The following CENPS variants were observed in gnomAD, a reference collection of about 807,000 sequenced individuals.
CENPS encodes FANCM associated histone fold protein 1.
CENPS carries 16 observed loss-of-function variants against 17.9 expected under a neutral mutation model. The observed-to-expected ratio is 0.90, with a 90% CI of 0.61 to 1.36. The LOEUF (loss-of-function observed/expected upper bound fraction) is 1.36. Ranked by LOEUF, CENPS falls within the 40% of genes most tolerant of loss-of-function variation. The pLI is 0.00. For synonymous variants in CENPS, 49 were observed against 55.8 expected (o/e 0.88, Z 0.54); for missense variants, 160 against 158.6 (o/e 1.01, Z -0.05).
At chr1:10,432,199 T>C (rs963522504) in intron 1 of CENPS, among the ~76,000 whole-genome samples, 2 of 152,094 alleles carry the variant, frequency 1.3e-5, no homozygotes, top group Non-Finnish European at 2.9e-5. Flanking sequence ...GAGATTCTCC[T>C]GCCTCAGCCT....
chr1:10,433,759 C>T, intron 1 of CENPS, 83 bp from the exon 2 acceptor site: 2 of 1,591,706 alleles, frequency 1.3e-6, no homozygotes, highest in Non-Finnish European at 1.7e-6. Context: ...TGAGCAGACC[C>T]TCTCCTTGGT....
chr1:10,441,833 G>A (rs1222277058), intron 4 of CENPS, among the ~76,000 whole-genome samples: 1 of 150,272 alleles, frequency 6.7e-6, no homozygotes, highest in Non-Finnish European at 1.5e-5. Flanking sequence ...CACCGTGTTA[G>A]CCAGGATGGT....
chr1:10,442,205 G>C, intron 4 of CENPS, 60 bp from the exon 5 acceptor site: 16 of 1,521,384 alleles, frequency 1.1e-5, no homozygotes, highest in Non-Finnish European at 1.2e-5. Context: ...TCGTTTGTTT[G>C]TTTATTTAGG....
intron 2 of CENPS, 56 bp downstream of exon 2, chr1:10,434,021 C>T: frequency 6.2e-7 from 1 of 1,609,336 alleles, no homozygotes; most frequent in South Asian, 1.1e-5. Context: ...TTGATTTCAC[C>T]TGGGAGCAGT....
intron 3 of CENPS, among the ~76,000 whole-genome samples, chr1:10,435,956 G>GT (rs1640137111): frequency 1.3e-5 from 2 of 148,944 alleles, no homozygotes; most frequent in Non-Finnish European, 3.0e-5. Context: ...GATATTCTGT[G>GT]TTTTTTAAAG....
At position 10,432,792 on chromosome 1, in the gene CENPS, G is replaced by A. The variant is rs138919044; in HGVS notation, c.52-1050G>A. 9.1e-4 allele frequency among the ~76,000 whole-genome samples: 139 copies of A among 152,300 alleles called. 6 individuals carry two copies. The East Asian group carries it at 0.025, about 27-fold the overall frequency. ...GGCCTGTAGTCCCAGCTACTCAAGA[G>A]GCTGAGGCAGGAGGTTCACTTGAGC... On this transcript the variant is annotated intron_variant, in intron 1 of 4. Transcript: ENST00000309048.
rs184649907 is a variant in CENPS, at chr1:10,440,965, A to G, written c.276+552A>G. Among the ~76,000 whole-genome samples the G allele has an allele frequency of 1.3e-4, 20 of 152,358 alleles. No individual in the cohort carries two copies. The Middle Eastern group carries it at 0.014, about 104-fold the overall frequency. On this transcript the variant is annotated intron_variant, in intron 4 of 4. Transcript: ENST00000309048. ...TTCCTGACTGAGTGTAATGCTAGACATTAAAGCACGTGATGGCTGTGATAG... is the reference window on the plus strand; with the variant it reads ...TTCCTGACTGAGTGTAATGCTAGACGTTAAAGCACGTGATGGCTGTGATAG...
rs1453747232 is a variant in CENPS at position 10,434,688 on chromosome 1, A to G, written c.207A>G (p.Ala69=). Residue 69 remains alanine (A), a splice_region_variant and synonymous_variant, in exon 3 of 5, where the codon GCA becomes GCG. Coordinates refer to ENST00000309048, the MANE Select transcript of CENPS (RefSeq NM_199294.3). ...TTGCCAAAGACCTTGAAATGTTTGCAAGGTGGGTAGAGAACTTGATTATCC... is the reference window on the plus strand; with the variant it reads ...TTGCCAAAGACCTTGAAATGTTTGCGAGGTGGGTAGAGAACTTGATTATCC... ...ENFAKDLEMF[A]RHAKRTTINT... is the part of the protein sequence containing the mutation. 30 of 1,606,692 alleles carry G rather than the reference A, an allele frequency of 1.9e-5. No individual in the cohort carries two copies. The highest frequency in any genetic ancestry group is 2.5e-5 in the Non-Finnish European group (30 of 1,178,020).
chr1:10,433,863 T>A lies in CENPS; in HGVS notation c.73T>A (p.Tyr25Asn), dbSNP rs377530906. The A allele has an allele frequency of 1.2e-6, 2 of 1,614,218 alleles. No homozygotes were observed. Among genetic ancestry groups the A allele is most frequent in the Non-Finnish European group, 1.7e-6 (2 of 1,180,034 alleles). Residue 25 changes from tyrosine to asparagine, a missense_variant, in exon 2 of 5, where the codon TAT (tyrosine) becomes AAT (asparagine). By Grantham distance (143) the Tyr-to-Asn change is moderately radical (BLOSUM62 -2). Coordinates refer to ENST00000309048, the MANE Select transcript of CENPS (RefSeq NM_199294.3). ...YQQRLKAAVH[Y>N]TVGCLCEEVA... Reference sequence around the variant, plus strand: ...CCAGAGGCTAAAGGCAGCAGTTCACTATACTGTGGGTTGTCTTTGCGAGGA... The same window carrying A: ...CCAGAGGCTAAAGGCAGCAGTTCACAATACTGTGGGTTGTCTTTGCGAGGA...
Position 10,430,468 on chromosome 1 carries a change from C to G in CENPS, c.-50C>G. ...GGGAAAATCCGACCTGGCCGCGCAC[C>G]ACCGCCCCTTCTCGGCCCTCCTGCG... On this transcript the variant is annotated 5_prime_UTR_variant, in exon 1 of 5. Transcript: ENST00000309048. 6.5e-7 allele frequency: 1 copy of G among 1,529,922 alleles called. No individual in the cohort carries two copies. Among genetic ancestry groups the G allele is most frequent in the African/African-American group, 1.4e-5 (1 of 69,784 alleles). 94.8% of individuals were successfully genotyped at this position (1,529,922 alleles called of 1,614,324 possible). A position where few individuals can be genotyped will look rare whatever the true frequency, so the allele number is the denominator to read the frequency against.
chr1:10,432,192 A>C (rs1485265281), intron 1 of CENPS, among the ~76,000 whole-genome samples: 1 of 151,646 alleles, frequency 6.6e-6, no homozygotes, highest in East Asian at 1.9e-4. Context: ...GGTTCAGGAG[A>C]TTCTCCTGCC....
At chr1:10,431,275 T>A in intron 1 of CENPS, 1 of 1,535,158 alleles carries the variant, frequency 6.5e-7, no homozygotes, top group Non-Finnish European at 8.7e-7. Context: ...GAGGACGGAC[T>A]GAAGAAACGC....
chr1:10,442,498 A>C lies in CENPS; in HGVS notation c.*93A>C. The stretch of plus-strand genomic sequence containing the variant: ...AAGGAAACTTTGAAGGGTTAAATAG[A>C]GATTTAAAAAAATAAAATAAAAAGG... On this transcript the variant is annotated 3_prime_UTR_variant, in exon 5 of 5. Coordinates refer to ENST00000309048, the MANE Select transcript of CENPS (RefSeq NM_199294.3). 2 of 1,378,488 alleles carry C rather than the reference A, an allele frequency of 1.5e-6. No homozygotes were observed. The highest frequency in any genetic ancestry group is 2.2e-5 in the South Asian group (1 of 44,984). The allele number at this position is 1,378,488 out of a possible 1,614,324, so 85.4% of individuals were successfully genotyped here.
At chr1:10,433,988 G>A in intron 2 of CENPS, 23 bp downstream of exon 2, 1 of 1,613,850 alleles carries the variant, frequency 6.2e-7, no homozygotes, top group Non-Finnish European at 8.5e-7. Flanking sequence ...GGCCTCCCCA[G>A]CCATGTCTGT....
At chr1:10,440,435 T>C (rs1258982537) in intron 4 of CENPS, 22 bp downstream of exon 4, 2 of 1,613,076 alleles carry the variant, frequency 1.2e-6, no homozygotes, top group African/African-American at 1.3e-5. Context: ...ATTTCTTTCC[T>C]CACTCCCCTT....
chr1:10,432,506 C>T (rs927497400), intron 1 of CENPS, among the ~76,000 whole-genome samples: 6 of 152,160 alleles, frequency 3.9e-5, no homozygotes, highest in Admixed American at 2.6e-4. Flanking sequence ...GACGATTTCC[C>T]CCCATTCATG....
At chr1:10,432,754 G>T (rs563618076) in intron 1 of CENPS, among the ~76,000 whole-genome samples, 3 of 152,268 alleles carry the variant, frequency 2.0e-5, no homozygotes, top group African/African-American at 7.2e-5. Context: ...CTTGAGCCGG[G>T]CAGGGTGTTG....
At chr1:10,431,113 T>C (rs1488832213) in intron 1 of CENPS, 24 of 1,413,380 alleles carry the variant, frequency 1.7e-5, no homozygotes, top group Non-Finnish European at 2.1e-5. Context: ...AATTTTCTTC[T>C]CTGCAAAATC....
chr1:10,438,212 TCGGCTCACTGCAGTCTC>T (rs1015450199), intron 3 of CENPS, among the ~76,000 whole-genome samples: 41 of 152,096 alleles, frequency 2.7e-4, no homozygotes, highest in African/African-American at 9.9e-4. Flanking sequence ...TGGTGTGATC[TCGGCTCACTGCAGTCTC>T]CGTCTCCTGG....
Sources: gnomAD v4.1 joint callset for allele counts (sites outside exome capture counted in the v4.1 genomes callset) on GRCh38, gnomAD v4.1.1 for gene constraint, MANE v1.5 for transcripts, NCBI Gene and HGNC (gene_info 2026-07-23, HGNC 2026-07-21) for gene names.